ARHGAP26: variants seen among roughly 807,000 people sequenced by gnomAD.
The protein encoded by ARHGAP26 is rho GTPase-activating protein 26.
In ARHGAP26, 38 loss-of-function variants were observed where a neutral mutation model predicts 104.8. The ratio of observed to expected loss-of-function variants is 0.36; its 90% confidence interval spans 0.28 to 0.48. ARHGAP26 has a LOEUF of 0.48. ARHGAP26 is among the 20% of genes least tolerant of loss of function. ARHGAP26 has a pLI of 0.99. For missense variants in ARHGAP26, 704 were observed against 947.9 expected, an observed-to-expected ratio of 0.74 and a Z score of 3.38; for synonymous variants, 341 against 340.0, an observed-to-expected ratio of 1.00 and a Z score of -0.03.
intron 21 of ARHGAP26, among the ~76,000 whole-genome samples, chr5:143,212,667 G>GC (rs1233160084): frequency 1.4e-4 from 21 of 152,180 alleles, no homozygotes; most frequent in African/African-American, 5.1e-4. Flanking sequence ...GTAAACTATG[G>GC]CCCAGCAATA....
At chr5:142,816,277 C>T (rs2152050985) in intron 1 of ARHGAP26, among the ~76,000 whole-genome samples, 1 of 152,314 alleles carries the variant, frequency 6.6e-6, no homozygotes, top group Non-Finnish European at 1.5e-5. Flanking sequence ...CTGAGAGCAA[C>T]TTGGTGCATG....
At chr5:142,936,108 A>AACACACACACACACACACACAC (rs149919795) in intron 11 of ARHGAP26, among the ~76,000 whole-genome samples, 2 of 139,762 alleles carry the variant, frequency 1.4e-5, no homozygotes, top group African/African-American at 5.3e-5. Context: ...AATCCCAAGG[A>AACACACACACACACACACACAC]ACACACACAC....
chr5:143,046,312 A>G (rs2150184304), intron 14 of ARHGAP26, among the ~76,000 whole-genome samples: 1 of 152,344 alleles, frequency 6.6e-6, no homozygotes, highest in Middle Eastern at 3.4e-3. Context: ...TCAAAAAAAA[A>G]GGCTGAGAAT....
At chr5:142,862,942 T>C (rs1158574428) in intron 1 of ARHGAP26, among the ~76,000 whole-genome samples, 1 of 152,132 alleles carries the variant, frequency 6.6e-6, no homozygotes, top group Non-Finnish European at 1.5e-5. Context: ...GTTCTCTCAA[T>C]TGGATTTTTG....
At chr5:142,876,343 A>G (rs1282460801) in intron 3 of ARHGAP26, among the ~76,000 whole-genome samples, 3 of 152,252 alleles carry the variant, frequency 2.0e-5, no homozygotes, top group African/African-American at 7.2e-5. Flanking sequence ...GACTCTGGGA[A>G]GTGGTATCTA....
intron 1 of ARHGAP26, among the ~76,000 whole-genome samples, chr5:142,820,701 TTTC>T (rs1353661731): frequency 2.0e-5 from 3 of 152,204 alleles, no homozygotes; most frequent in African/African-American, 7.2e-5. Flanking sequence ...ACAAAAGCCT[TTTC>T]TTTTGAATGG....
chr5:142,918,067 G>C (rs1328861492), intron 10 of ARHGAP26, among the ~76,000 whole-genome samples: 4 of 152,028 alleles, frequency 2.6e-5, no homozygotes, highest in African/African-American at 7.2e-5. Flanking sequence ...TGTTAATCCA[G>C]GCCAATGGGA....
chr5:142,783,235 A>C (rs1597597916), intron 1 of ARHGAP26, among the ~76,000 whole-genome samples: 1 of 152,228 alleles, frequency 6.6e-6, no homozygotes, highest in East Asian at 1.9e-4. Context: ...CAGAAGCGTA[A>C]AAGTTCTAGC....
intron 11 of ARHGAP26, among the ~76,000 whole-genome samples, chr5:142,940,806 G>A (rs545836196): frequency 6.6e-6 from 1 of 152,188 alleles, no homozygotes; most frequent in African/African-American, 2.4e-5. Flanking sequence ...GCCAGGTGCG[G>A]TGGCTCATGC....
At chr5:143,157,183 T>A (rs1004549118) in intron 20 of ARHGAP26, among the ~76,000 whole-genome samples, 6 of 150,708 alleles carry the variant, frequency 4.0e-5, no homozygotes, top group African/African-American at 1.5e-4. Context: ...TTTTTTTTTT[T>A]TTTTTTTTCT....
At chr5:142,805,601 G>A (rs1762843893) in intron 1 of ARHGAP26, among the ~76,000 whole-genome samples, 1 of 152,128 alleles carries the variant, frequency 6.6e-6, no homozygotes, top group Admixed American at 6.5e-5. Context: ...TTTGAGGAGG[G>A]AGAGCGAAAA....
chr5:143,091,233 T>G (rs1259572489), intron 17 of ARHGAP26, among the ~76,000 whole-genome samples: 1 of 152,214 alleles, frequency 6.6e-6, no homozygotes, highest in Non-Finnish European at 1.5e-5. Flanking sequence ...GTCTCAGTGG[T>G]TAGCAGCACA....
chr5:143,120,573 A>C lies in ARHGAP26; in HGVS notation c.1539-415A>C, dbSNP rs73288151. On this transcript the variant is annotated intron_variant, in intron 17 of 22. Transcript: ENST00000645722. ...TTATGTTTGCAAATGTATTAAAGCCATCAAGAGGTTTTACATTTGCCATGG... is the reference window on the plus strand; with the variant it reads ...TTATGTTTGCAAATGTATTAAAGCCCTCAAGAGGTTTTACATTTGCCATGG... 6.5e-3 allele frequency among the ~76,000 whole-genome samples: 987 copies of C among 152,340 alleles called. 9 individuals carry two copies. Among genetic ancestry groups the C allele is most frequent in the African/African-American group, 0.023 (942 of 41,566 alleles).
rs553007064 is a variant in ARHGAP26, at chr5:143,228,498, A to C, written c.*6052A>C. On this transcript the variant is annotated 3_prime_UTR_variant, in exon 23 of 23. Coordinates refer to ENST00000645722, the MANE Select transcript of ARHGAP26 (RefSeq NM_001135608.3). ...ATTTTTTGTTAACTTACTTAAAGTC[A>C]TGTCGCAAGAAAGATCAAACCCATG... 1 of 220,082 alleles carries C rather than the reference A, an allele frequency of 4.5e-6. No individual in the cohort carries two copies. Among genetic ancestry groups the C allele is most frequent in the Non-Finnish European group, 9.1e-6 (1 of 109,638 alleles). The allele number at this position is 220,082 out of a possible 1,614,324, so 13.6% of individuals were successfully genotyped here.
chr5:143,065,382 A>G (rs1787333380), intron 17 of ARHGAP26, among the ~76,000 whole-genome samples: 1 of 152,068 alleles, frequency 6.6e-6, no homozygotes, highest in Non-Finnish European at 1.5e-5. Flanking sequence ...TCTTACATTG[A>G]CTGGTTACTC....
At chr5:143,085,066 AAG>A (rs1393932926) in intron 17 of ARHGAP26, among the ~76,000 whole-genome samples, 16 of 149,998 alleles carry the variant, frequency 1.1e-4, no homozygotes, top group African/African-American at 3.5e-4. Flanking sequence ...AAAAAAAAAA[AAG>A]AAACGCTTTC....
intron 1 of ARHGAP26, among the ~76,000 whole-genome samples, chr5:142,803,247 T>A (rs1336932193): frequency 6.6e-6 from 1 of 152,036 alleles, no homozygotes; most frequent in African/African-American, 2.4e-5. Context: ...TAATGAAAAA[T>A]TTTCAGAATA....
intron 12 of ARHGAP26, among the ~76,000 whole-genome samples, chr5:143,030,066 A>G (rs1202904776): frequency 6.6e-6 from 1 of 152,128 alleles, no homozygotes; most frequent in African/African-American, 2.4e-5. Flanking sequence ...TATAGTATGG[A>G]AAGTTTTCTT....
At chr5:143,125,470 G>A (rs1599128111) in intron 18 of ARHGAP26, among the ~76,000 whole-genome samples, 1 of 152,286 alleles carries the variant, frequency 6.6e-6, no homozygotes, top group Non-Finnish European at 1.5e-5. Context: ...GTGCACTAAC[G>A]ACATGCTTAC....
Sources: gnomAD v4.1 joint callset for allele counts (sites outside exome capture counted in the v4.1 genomes callset) on GRCh38, gnomAD v4.1.1 for gene constraint, MANE v1.5 for transcripts, NCBI Gene and HGNC (gene_info 2026-07-23, HGNC 2026-07-21) for gene names.